The following PCDHGB3 variants were observed in gnomAD, a reference collection of about 807,000 sequenced individuals.
PCDHGB3 encodes the protein protocadherin gamma-B3.
A neutral mutation model predicts 59.2 loss-of-function variants in PCDHGB3; 40 were observed. The observed-to-expected ratio is 0.68, with a 90% confidence interval of 0.52 to 0.88. The LOEUF (loss-of-function observed/expected upper bound fraction) is 0.88. PCDHGB3 is among the 40% of genes least tolerant of loss of function. PCDHGB3 has a pLI of 0.00. For missense variants in PCDHGB3, 1,309 were observed against 1,187.9 expected, an observed-to-expected ratio of 1.10 and a Z score of -1.50; for synonymous variants, 581 against 503.6, an observed-to-expected ratio of 1.15 and a Z score of -2.06.
At chr5:141,376,472 T>C (rs1561574117) in intron 1 of PCDHGB3, 1 of 1,614,108 alleles carries the variant, frequency 6.2e-7, no homozygotes, top group Non-Finnish European at 8.5e-7. Context: ...AACTCAGGAT[T>C]TACTTGAAAC....
At chr5:141,419,315 C>T in intron 1 of PCDHGB3, 1 of 1,613,998 alleles carries the variant, frequency 6.2e-7, no homozygotes. Flanking sequence ...GCTCAACGGC[C>T]GTGTCTCCTA....
At chr5:141,376,296 C>A (rs769852070) in intron 1 of PCDHGB3, 44 of 1,614,066 alleles carry the variant, frequency 2.7e-5, no homozygotes, top group Middle Eastern at 1.6e-4. Flanking sequence ...ATGCCCGGCT[C>A]GCACTTTGTG....
At position 141,431,871 on chromosome 5, in the gene PCDHGB3, T is replaced by C; in HGVS notation, c.2415+59062T>C. The C allele has an allele frequency of 1.9e-6, 3 of 1,614,234 alleles. No homozygotes were observed. The highest frequency in any genetic ancestry group is 2.5e-6 in the Non-Finnish European group (3 of 1,180,032). The stretch of plus-strand genomic sequence containing the variant: ...GGGACATTAATTGCCCTTTTAAATG[T>C]AAATGACCAAGATTCTGAGGAAAAC... On this transcript the variant is annotated intron_variant, in intron 1 of 3. Coordinates refer to ENST00000576222, the MANE Select transcript of PCDHGB3 (RefSeq NM_018924.5). The surrounding 1 kb of genome is among the most constrained non-coding windows in gnomAD (Gnocchi z 4.8).
chr5:141,470,459 A>T (rs59770804), intron 1 of PCDHGB3, among the ~76,000 whole-genome samples: 32,627 of 152,034 alleles, frequency 0.21, 3,610 homozygotes, highest in African/African-American at 0.27. Context: ...CTTGAATAGG[A>T]TTTTCTGATA....
intron 1 of PCDHGB3, chr5:141,409,322 C>A (rs1161029892): frequency 6.2e-7 from 1 of 1,613,988 alleles, no homozygotes; most frequent in Non-Finnish European, 8.5e-7. Flanking sequence ...AACACGGGAT[C>A]TGGATTTCGG....
chr5:141,399,945 G>T, intron 1 of PCDHGB3: 2 of 1,612,308 alleles, frequency 1.2e-6, no homozygotes, highest in Non-Finnish European at 1.7e-6. Context: ...ACGTGCTGCA[G>T]GCTAGCGAGC....
Position 141,370,869 on chromosome 5 carries a change from G to C in PCDHGB3, c.475G>C (p.Asp159His). The C allele has an allele frequency of 6.2e-7, 1 of 1,614,036 alleles. No individual in the cohort carries two copies. ...GATFALESAQ[D>H]PDVGVNSLQQ... ...CACATTTGCCCTGGAATCTGCGCAA[G>C]ATCCTGATGTAGGTGTCAATTCGCT... Residue 159 changes from aspartate (D) to histidine (H), a missense_variant, in exon 1 of 4, where the codon GAT (aspartate) becomes CAT (histidine). Physicochemically the swap from Asp to His is moderately conservative, Grantham distance 81 (BLOSUM62 -1). Transcript: ENST00000576222.
intron 1 of PCDHGB3, chr5:141,375,149 A>G (rs1340397113): frequency 6.2e-7 from 1 of 1,613,944 alleles, no homozygotes. Flanking sequence ...AAGCAGAACA[A>G]TTGCTGAAAG....
chr5:141,376,682 T>TTTTTTGTTG lies in PCDHGB3; in HGVS notation c.2415+3878_2415+3879insGTTGTTTTT, dbSNP rs1554084782. On this transcript the variant is annotated intron_variant, in intron 1 of 3. Coordinates refer to ENST00000576222, the MANE Select transcript of PCDHGB3 (RefSeq NM_018924.5). ...TTGTTCAGGTGAGGGTATCGTTTTTTTTTTTTTTTTTTTTTGAGACGGAGT... is the reference window on the plus strand; with the variant it reads ...TTGTTCAGGTGAGGGTATCGTTTTTTTTTTTGTTGTTTTTTTTTTTTTTTGAGACGGAGT... The TTTTTTGTTG allele has an allele frequency of 3.8e-6, 3 of 786,082 alleles. No homozygotes were observed. In the African/African-American group the frequency reaches 5.8e-5, roughly 15 times the overall value. 48.7% of individuals were successfully genotyped at this position (786,082 alleles called of 1,614,324 possible). A position where few individuals can be genotyped will look rare whatever the true frequency, so the allele number is the denominator to read the frequency against.
At position 141,486,609 on chromosome 5, in the gene PCDHGB3, C is replaced by T; in HGVS notation, c.2416-8198C>T. The T allele has an allele frequency of 6.2e-7, 1 of 1,613,568 alleles. No homozygotes were observed. ...GGGGACCTGCTTTGCTCCCTTGCAG[C>T]CTCTGACCCAGACTCTGGCTTGAAT... On this transcript the variant is annotated intron_variant, in intron 1 of 3. Transcript: ENST00000576222. The surrounding 1 kb of genome is among the most constrained non-coding windows in gnomAD (Gnocchi z 5.0).
At chr5:141,388,465 T>C in intron 1 of PCDHGB3, 2 of 1,613,816 alleles carry the variant, frequency 1.2e-6, no homozygotes, top group Non-Finnish European at 1.7e-6. Flanking sequence ...TACCCTGAGA[T>C]GGTATTGAAG....
intron 1 of PCDHGB3, chr5:141,428,460 T>G (rs558111052): frequency 2.8e-6 from 1 of 351,434 alleles, no homozygotes; most frequent in African/African-American, 2.1e-5. Context: ...CCAACTACAA[T>G]GAGGGAACTT....
chr5:141,477,560 T>C lies in PCDHGB3; in HGVS notation c.2416-17247T>C, dbSNP rs2099412994. The C allele has an allele frequency of 1.2e-6, 2 of 1,614,078 alleles. No homozygotes were observed. Among genetic ancestry groups the C allele is most frequent in the South Asian group, 2.2e-5 (2 of 91,094 alleles). ...GGCTCCAATACTAAACCTAAGTGTC[T>C]GGGACCCCGACGCCCCGCAGAATGC... On this transcript the variant is annotated intron_variant, in intron 1 of 3. Transcript: ENST00000576222. This position sits in a 1 kb window ranked among gnomAD's most constrained non-coding sequence, Gnocchi z 4.9.
At chr5:141,502,666 T>C (rs962424461) in intron 2 of PCDHGB3, among the ~76,000 whole-genome samples, 10 of 152,234 alleles carry the variant, frequency 6.6e-5, no homozygotes, top group African/African-American at 2.2e-4. Context: ...CTTCATGCAA[T>C]TTTAGTATTC....
At chr5:141,376,313 G>A in intron 1 of PCDHGB3, 1 of 1,614,230 alleles carries the variant, frequency 6.2e-7, no homozygotes, top group Non-Finnish European at 8.5e-7. Flanking sequence ...TGTGGGCGTG[G>A]AAGGGGTTCG....
intron 1 of PCDHGB3, chr5:141,478,874 A>G: frequency 1.6e-6 from 2 of 1,276,696 alleles, no homozygotes; most frequent in Non-Finnish European, 2.1e-6. Flanking sequence ...ATCAGAGTTT[A>G]GCTTGGTATC....
chr5:141,375,516 A>G (rs757383072), intron 1 of PCDHGB3: 1 of 1,613,900 alleles, frequency 6.2e-7, no homozygotes, highest in East Asian at 2.2e-5. Flanking sequence ...AATGCACTGG[A>G]CCCTGACGTG....
At chr5:141,416,641 C>A (rs996381588) in intron 1 of PCDHGB3, 1 of 152,056 alleles carries the variant, frequency 6.6e-6, no homozygotes, top group Non-Finnish European at 1.5e-5. Context: ...AAACACCAAC[C>A]ACAGCTGTAA....
At chr5:141,421,718 G>C (rs778263773) in intron 1 of PCDHGB3, 1 of 1,613,966 alleles carries the variant, frequency 6.2e-7, no homozygotes, top group Middle Eastern at 1.7e-4. Context: ...CCAGATGTGG[G>C]CGTGAACTCC....
Sources: gnomAD v4.1 joint callset for allele counts (sites outside exome capture counted in the v4.1 genomes callset) on GRCh38, gnomAD v4.1.1 for gene constraint, Gnocchi (gnomAD v3.1) non-coding constraint, MANE v1.5 for transcripts, NCBI Gene and HGNC (gene_info 2026-07-23, HGNC 2026-07-21) for gene names.